The following LUZP2 variants were observed in gnomAD, a reference collection of about 807,000 sequenced individuals.
LUZP2 encodes the protein leucine zipper protein 2.
Under a neutral mutation model 51.6 loss-of-function variants are expected in LUZP2, and 52 were observed. The ratio of observed to expected loss-of-function variants is 1.01; its 90% CI spans 0.81 to 1.27. The LOEUF is 1.27. LUZP2 is among the 50% of genes most tolerant of loss of function. LUZP2 has a pLI of 0.00. For synonymous variants in LUZP2, 154 were observed against 137.3 expected, an observed-to-expected ratio of 1.12 and a Z score of -0.85; for missense variants, 436 against 395.4, an observed-to-expected ratio of 1.10 and a Z score of -0.87.
In LUZP2 at chr11:24,675,756, A is replaced by T. The variant is rs570756680; in HGVS notation, c.63-53413A>T. On this transcript the variant is annotated intron_variant, in intron 1 of 11. Transcript: ENST00000336930. ...TACTATTAATATGTCTGCCCTACAA[A>T]TCTCCTAATTAGTTTTCATATTTCT... is the stretch of plus-strand genomic sequence containing the variant. Among the ~76,000 whole-genome samples, 11 of 150,570 alleles carry T rather than the reference A, an allele frequency of 7.3e-5. No individual in the cohort carries two copies. In the East Asian group the frequency reaches 2.2e-3, roughly 30 times the overall value.
chr11:24,589,205 G>A (rs1034689293), intron 1 of LUZP2, among the ~76,000 whole-genome samples: 26 of 152,024 alleles, frequency 1.7e-4, no homozygotes, highest in Non-Finnish European at 3.4e-4. Context: ...AAAGACACCT[G>A]CATTTTCTGT....
chr11:25,000,015 T>G (rs188090036), intron 9 of LUZP2, among the ~76,000 whole-genome samples: 39 of 98,888 alleles, frequency 3.9e-4, no homozygotes, highest in African/African-American at 1.1e-3. Context: ...GCCCATATCC[T>G]GCTGATTGGT....
intron 1 of LUZP2, among the ~76,000 whole-genome samples, chr11:24,681,290 T>C (rs1364253089): frequency 1.3e-5 from 2 of 152,200 alleles, no homozygotes; most frequent in Non-Finnish European, 2.9e-5. Context: ...CTAATTTCCT[T>C]ATTTCTCTAA....
At chr11:24,586,956 G>A (rs975364044) in intron 1 of LUZP2, among the ~76,000 whole-genome samples, 3 of 151,976 alleles carry the variant, frequency 2.0e-5, no homozygotes, top group Non-Finnish European at 4.4e-5. Context: ...CTACTCTTAG[G>A]TAGTATAAAT....
intron 5 of LUZP2, chr11:24,892,592 T>TA (rs1239582147): frequency 8.5e-6 from 3 of 352,564 alleles, no homozygotes; most frequent in Non-Finnish European, 1.2e-5. Flanking sequence ...AGTCAAGTGC[T>TA]AATCTCTTGA....
At chr11:24,919,028 C>T (rs113002699) in intron 7 of LUZP2, among the ~76,000 whole-genome samples, 1 of 18,490 alleles carries the variant, frequency 5.4e-5, no homozygotes, top group Non-Finnish European at 1.7e-4. Flanking sequence ...TACTATATAT[C>T]CATAATATGT....
chr11:24,543,167 G>A (rs1195191735), intron 1 of LUZP2, among the ~76,000 whole-genome samples: 1 of 150,464 alleles, frequency 6.6e-6, no homozygotes, highest in Non-Finnish European at 1.5e-5. Flanking sequence ...GTTTCAATTT[G>A]TATATAAGAA....
At chr11:25,022,487 A>G (rs923958308) in intron 9 of LUZP2, among the ~76,000 whole-genome samples, 2 of 152,136 alleles carry the variant, frequency 1.3e-5, no homozygotes, top group African/African-American at 4.8e-5. Context: ...AATGCAATTT[A>G]TATCAATTGT....
In LUZP2 at chr11:24,861,524, C is replaced by A. The variant is rs546313536; in HGVS notation, c.397-44467C>A. On this transcript the variant is annotated intron_variant, in intron 5 of 11. Coordinates refer to ENST00000336930, the MANE Select transcript of LUZP2 (RefSeq NM_001009909.4). ...CAGAGAACACCATTAAGATACTCCA[C>A]AAAATGCCCAACCCCAAGACACATA... Among the ~76,000 whole-genome samples the A allele has an allele frequency of 6.6e-5, 10 of 152,260 alleles. 1 individual carries two copies. The South Asian group carries it at 2.1e-3, about 32-fold the overall frequency.
At chr11:24,974,972 T>C (rs1034280968) in intron 7 of LUZP2, among the ~76,000 whole-genome samples, 1 of 152,046 alleles carries the variant, frequency 6.6e-6, no homozygotes, top group African/African-American at 2.4e-5. Flanking sequence ...TCAGTGATCT[T>C]GGCTGGGCTG....
chr11:24,790,658 C>T (rs556824646), intron 5 of LUZP2, among the ~76,000 whole-genome samples: 18 of 152,156 alleles, frequency 1.2e-4, no homozygotes, highest in South Asian at 4.2e-4. Context: ...TGTATCACCA[C>T]GCCCAGCTAA....
chr11:24,823,834 C>T (rs892344977), intron 5 of LUZP2, among the ~76,000 whole-genome samples: 6 of 152,006 alleles, frequency 3.9e-5, no homozygotes, highest in East Asian at 1.9e-4. Context: ...GAGGCTGAGA[C>T]GGGTGGATCA....
At chr11:24,758,590 G>A (rs1682683584) in intron 4 of LUZP2, among the ~76,000 whole-genome samples, 1 of 151,908 alleles carries the variant, frequency 6.6e-6, no homozygotes, top group African/African-American at 2.4e-5. Context: ...TTCACTGAAA[G>A]GAAGACTATA....
At chr11:24,914,297 G>C (rs555132655) in intron 6 of LUZP2, among the ~76,000 whole-genome samples, 179 bp from the exon 7 acceptor site, 22 of 152,198 alleles carry the variant, frequency 1.4e-4, no homozygotes, top group Non-Finnish European at 2.9e-4. Flanking sequence ...TTTCTGCCTA[G>C]GTTGTCCAGA....
At chr11:24,675,390 G>T (rs1856510962) in intron 1 of LUZP2, among the ~76,000 whole-genome samples, 1 of 152,052 alleles carries the variant, frequency 6.6e-6, no homozygotes, top group African/African-American at 2.4e-5. Context: ...GATGATGTTG[G>T]GTTATTGGTA....
At chr11:24,699,954 G>A (rs192225993) in intron 1 of LUZP2, among the ~76,000 whole-genome samples, 25 of 151,370 alleles carry the variant, frequency 1.7e-4, no homozygotes, top group African/African-American at 6.0e-4. Context: ...TGTCAATGAG[G>A]GAGGATAGAG....
At chr11:25,073,683 C>T (rs1181289348) in intron 10 of LUZP2, among the ~76,000 whole-genome samples, 1 of 152,106 alleles carries the variant, frequency 6.6e-6, no homozygotes, top group Admixed American at 6.6e-5. Flanking sequence ...TTCTTCATTT[C>T]CTTTCCTTCT....
At chr11:24,659,218 A>G (rs553542551) in intron 1 of LUZP2, among the ~76,000 whole-genome samples, 2 of 152,348 alleles carry the variant, frequency 1.3e-5, no homozygotes, top group African/African-American at 4.8e-5. Context: ...TGGCACATAT[A>G]CACCATGGAA....
At chr11:24,738,029 T>C (rs1299488802) in intron 3 of LUZP2, among the ~76,000 whole-genome samples, 192 bp from the exon 4 acceptor site, 1 of 152,068 alleles carries the variant, frequency 6.6e-6, no homozygotes, top group Non-Finnish European at 1.5e-5. Flanking sequence ...GCTTTTAATA[T>C]TTGCATGGGA....
Sources: allele counts gnomAD v4.1 joint callset (sites outside exome capture counted in the v4.1 genomes callset), GRCh38; gene constraint gnomAD v4.1.1; transcripts MANE v1.5; gene names NCBI Gene and HGNC (gene_info 2026-07-23, HGNC 2026-07-21).